Variants in HAUS6 observed in about 807,000 individuals in gnomAD.
The protein encoded by HAUS6 is HAUS augmin like complex subunit 6.
Under a neutral mutation model 106.8 loss-of-function variants are expected in HAUS6, and 80 were observed. The ratio of observed to expected loss-of-function variants is 0.75; its 90% confidence interval spans 0.63 to 0.90. The LOEUF is 0.90. Among genes scored for constraint, HAUS6 ranks in the 40% least tolerant of loss-of-function variants. HAUS6 has a pLI of 0.00. For missense variants in HAUS6, 1,155 were observed against 1,118.1 expected (o/e 1.03, Z -0.47); for synonymous variants, 356 against 379.1 (o/e 0.94, Z 0.71).
chr9:19,059,346 G>C (rs757829305), intron 15 of HAUS6, among the ~76,000 whole-genome samples: 1 of 152,206 alleles, frequency 6.6e-6, no homozygotes, highest in Non-Finnish European at 1.5e-5. Context: ...CAATATTTTA[G>C]GCTTTGCAGG....
chr9:19,089,580 A>G (rs769822907), intron 4 of HAUS6, 21 bp from the exon 5 acceptor site: 1 of 1,589,854 alleles, frequency 6.3e-7, no homozygotes, highest in Non-Finnish European at 8.6e-7. Flanking sequence ...CACAAATAAG[A>G]TTATAGAAAA....
At position 19,082,883 on chromosome 9, in the gene HAUS6, T is replaced by G. The variant is rs907695931; in HGVS notation, c.860A>C (p.Gln287Pro). ...ATATCAAATGCTTACCTGAAACATT[T>G]GTTTCTCAATTTTGTCAAGTAAGAG... ...PRLLLDKIEKQMFQLHIGNVY... is the reference protein window; with the variant it reads ...PRLLLDKIEKPMFQLHIGNVY... Residue 287 changes from glutamine (Q) to proline (P), a missense_variant, in exon 8 of 17, where the codon CAA (glutamine) becomes CCA (proline). Physicochemically the swap from Gln to Pro is moderately conservative, Grantham distance 76. Coordinates refer to ENST00000380502, the MANE Select transcript of HAUS6 (RefSeq NM_017645.5). 53 of 1,467,992 alleles carry G rather than the reference T, an allele frequency of 3.6e-5. No individual in the cohort carries two copies. The Admixed American group carries it at 1.1e-3, about 31-fold the overall frequency. 90.9% of individuals were successfully genotyped at this position (1,467,992 alleles called of 1,614,324 possible).
intron 6 of HAUS6, 86 bp downstream of exon 6, chr9:19,087,005 T>G: frequency 4.1e-6 from 3 of 725,400 alleles, no homozygotes; most frequent in Admixed American, 2.2e-5. Context: ...TTTTAATTAA[T>G]GTTTGTGGGA....
chr9:19,066,103 T>C (rs1050866765), intron 12 of HAUS6, among the ~76,000 whole-genome samples: 7 of 151,774 alleles, frequency 4.6e-5, no homozygotes, highest in African/African-American at 1.7e-4. Context: ...ACCTGGCTAA[T>C]TTTTGTAGTT....
intron 7 of HAUS6, 24 bp from the exon 8 acceptor site, chr9:19,083,067 T>TA (rs774600704): frequency 1.4e-6 from 2 of 1,474,988 alleles, no homozygotes; most frequent in East Asian, 2.3e-5. Flanking sequence ...AACAAAATAT[T>TA]AAAGTCCACA....
At chr9:19,101,960 A>G (rs1023833156) in intron 1 of HAUS6, among the ~76,000 whole-genome samples, 1 of 152,206 alleles carries the variant, frequency 6.6e-6, no homozygotes, top group African/African-American at 2.4e-5. Flanking sequence ...GAATGATTAA[A>G]TAGAGATACT....
chr9:19,093,120 C>T (rs114046968), intron 4 of HAUS6, 51 bp downstream of exon 4: 2 of 1,251,136 alleles, frequency 1.6e-6, no homozygotes, highest in African/African-American at 3.1e-5. Context: ...TTGTAAAGAA[C>T]AATAAAAATT....
chr9:19,075,025 G>A (rs1170524041), intron 11 of HAUS6, among the ~76,000 whole-genome samples: 3 of 152,194 alleles, frequency 2.0e-5, no homozygotes. Flanking sequence ...ACAAAATGTG[G>A]TAGAGGATAC....
At position 19,058,101 on chromosome 9, in the gene HAUS6, G is replaced by A; in HGVS notation, c.2666C>T (p.Thr889Ile). 1 of 1,614,126 alleles carries A rather than the reference G, an allele frequency of 6.2e-7. No individual in the cohort carries two copies. Among genetic ancestry groups the A allele is most frequent in the South Asian group, 1.1e-5 (1 of 91,080 alleles). The change falls in exon 16 of 17, where the codon ACT becomes ATT. Residue 889 changes from threonine (T) to isoleucine (I), a missense_variant. This residue lies in a region of HAUS6 where 380 missense variants were observed against 394.8 expected (regional missense o/e 0.96). Coordinates refer to ENST00000380502, the MANE Select transcript of HAUS6 (RefSeq NM_017645.5). ...LNFLDTCDLH[T>I]EHIKPSLRTS... Reference sequence around the variant, plus strand: ...GCGTAAAGATGGCTTTATATGCTCAGTATGCAAATCACAGGTGTCCAAAAA... The same window carrying A: ...GCGTAAAGATGGCTTTATATGCTCAATATGCAAATCACAGGTGTCCAAAAA...
intron 2 of HAUS6, 68 bp downstream of exon 2, chr9:19,096,606 T>C (rs563344278): frequency 3.1e-6 from 2 of 652,990 alleles, no homozygotes; most frequent in Admixed American, 3.2e-5. Context: ...AATTCTGGCT[T>C]GTATCAAAAC....
intron 2 of HAUS6, among the ~76,000 whole-genome samples, chr9:19,096,015 T>C (rs1015398376): frequency 2.6e-5 from 4 of 152,050 alleles, no homozygotes; most frequent in South Asian, 4.1e-4. Context: ...GCAAAAAAAA[T>C]TGGGCAAAAT....
Position 19,098,436 on chromosome 9 carries a change from CAA to C in HAUS6, c.129-1669_129-1668del, listed in dbSNP as rs11351792. 1.2e-3 allele frequency among the ~76,000 whole-genome samples: 148 copies of C among 123,380 alleles called. 2 individuals are homozygous for C. Among genetic ancestry groups the C allele is most frequent in the African/African-American group, 2.7e-3 (90 of 33,638 alleles). 80.9% of individuals were successfully genotyped at this position (123,380 alleles called of 152,430 possible). ...CTGGCAAAAGAGCAAGACTTCGTCT[CAA>C]AAAAAAAAAAAAAAAAATTATATAA... On this transcript the variant is annotated intron_variant, in intron 1 of 16. Transcript: ENST00000380502.
At chr9:19,063,478 G>A in intron 13 of HAUS6, 36 bp downstream of exon 13, 1 of 986,920 alleles carries the variant, frequency 1.0e-6, no homozygotes, top group Non-Finnish European at 1.5e-6. Context: ...AATTTAGTAT[G>A]GTCCAGAATT....
intron 11 of HAUS6, chr9:19,073,743 G>A (rs1836927718): frequency 6.6e-6 from 1 of 151,672 alleles, no homozygotes; most frequent in African/African-American, 2.4e-5. Context: ...CCATAATTAA[G>A]GACTGTCCAA....
intron 12 of HAUS6, among the ~76,000 whole-genome samples, chr9:19,066,234 CTAGAGCTAAATTTATA>C (rs778505077): frequency 9.9e-5 from 15 of 151,868 alleles, no homozygotes; most frequent in Non-Finnish European, 2.1e-4. Context: ...CCATGCCCAG[CTAGAGCTAAATTTATA>C]TATCGTGGTA....
In HAUS6 at chr9:19,063,119, A is replaced by G; in HGVS notation, c.1518T>C (p.Asn506=). The G allele has an allele frequency of 6.2e-7, 1 of 1,603,016 alleles. No homozygotes were observed. The highest frequency in any genetic ancestry group is 8.5e-7 in the Non-Finnish European group (1 of 1,171,732). ...SKKIPEFEVE[N]SPLSDVAKNT... The stretch of plus-strand genomic sequence containing the variant: ...TCTTTGCAACATCTGATAATGGAGA[A>G]TTTTCCACTTCAAATTCTGGTATTT... The change falls in exon 14 of 17, where the codon AAT becomes AAC. Residue 506 remains asparagine, a synonymous_variant. Coordinates refer to ENST00000380502, the MANE Select transcript of HAUS6 (RefSeq NM_017645.5).
chr9:19,099,774 G>C lies in HAUS6; in HGVS notation c.128+2750C>G, dbSNP rs574632400. ...CAATTTTAAAAGTAACTTTGGCAGG[G>C]TGCAGTGGCTCATGTCTGTAATCCC... On this transcript the variant is annotated intron_variant, in intron 1 of 16. Transcript: ENST00000380502. 2.0e-5 allele frequency among the ~76,000 whole-genome samples: 3 copies of C among 152,348 alleles called. No individual in the cohort carries two copies. The South Asian group carries it at 6.2e-4, about 32-fold the overall frequency.
At chr9:19,084,635 CT>C (rs113235811) in intron 7 of HAUS6, among the ~76,000 whole-genome samples, 33,950 of 138,452 alleles carry the variant, frequency 0.25, 3,224 homozygotes, top group African/African-American at 0.31. Context: ...TTTCTTTTTT[CT>C]TTTTTTTTTT....
chr9:19,087,508 T>C (rs1837325339), intron 5 of HAUS6, among the ~76,000 whole-genome samples: 1 of 152,178 alleles, frequency 6.6e-6, no homozygotes, highest in Admixed American at 6.6e-5. Context: ...GCTTTAGTAA[T>C]ATATAACAAA....
Sources: allele counts gnomAD v4.1 joint callset (sites outside exome capture counted in the v4.1 genomes callset), GRCh38; gene constraint gnomAD v4.1.1; regional missense constraint gnomAD v4.1.1; transcripts MANE v1.5; gene names NCBI Gene and HGNC (gene_info 2026-07-23, HGNC 2026-07-21).